Variants in PRRC2B observed in about 807,000 individuals in gnomAD.
PRRC2B encodes proline rich coiled-coil 2B, also known as protein PRRC2B.
Under a neutral mutation model 242.3 loss-of-function variants are expected in PRRC2B, and 68 were observed. The ratio of observed to expected loss-of-function variants is 0.28; its 90% CI spans 0.23 to 0.34. The LOEUF is 0.34. PRRC2B is among the 10% of genes least tolerant of loss of function. The pLI is 1.00. For synonymous variants in PRRC2B, 1,228 were observed against 1,173.6 expected (o/e 1.05, Z -0.95); for missense variants, 2,835 against 2,954.8 (o/e 0.96, Z 0.94).
At chr9:131,431,060 C>T (rs1473223332) in intron 2 of PRRC2B, among the ~76,000 whole-genome samples, 2 of 151,828 alleles carry the variant, frequency 1.3e-5, no homozygotes, top group African/African-American at 2.4e-5. Flanking sequence ...AAGTGATTCT[C>T]CTGCCTCAGC....
At chr9:131,429,654 T>C (rs1177345008) in intron 1 of PRRC2B, among the ~76,000 whole-genome samples, 1 of 152,230 alleles carries the variant, frequency 6.6e-6, no homozygotes, top group Non-Finnish European at 1.5e-5. Flanking sequence ...GTGGTGTAAG[T>C]GGGTTGTGTA....
intron 11 of PRRC2B, among the ~76,000 whole-genome samples, chr9:131,463,799 T>C (rs1031246309): frequency 6.6e-6 from 1 of 151,746 alleles, no homozygotes; most frequent in Non-Finnish European, 1.5e-5. Flanking sequence ...TCGTATTTTT[T>C]TGGGGGGCTG....
chr9:131,482,969 G>T lies in PRRC2B; in HGVS notation c.5373+62G>T, dbSNP rs766321602. The T allele has an allele frequency of 6.5e-7, 1 of 1,534,420 alleles. No individual in the cohort carries two copies. The highest frequency in any genetic ancestry group is 8.8e-7 in the Non-Finnish European group (1 of 1,132,510). On this transcript the variant is annotated intron_variant, in intron 22 of 31. Coordinates refer to ENST00000683519, the MANE Select transcript of PRRC2B (RefSeq NM_013318.4). This position sits in a 1 kb window ranked among gnomAD's most constrained non-coding sequence, Gnocchi z 5.2. ...ACTTTTTATTTTGGTACTTGGAGAG[G>T]CTGGGGGCTCAGATGGGATTGTCTC...
intron 1 of PRRC2B, among the ~76,000 whole-genome samples, chr9:131,426,742 T>G (rs566366040): frequency 6.6e-6 from 1 of 152,062 alleles, no homozygotes; most frequent in Non-Finnish European, 1.5e-5. Flanking sequence ...GGGCAGTGAG[T>G]GCTTGGAAGC....
In PRRC2B at chr9:131,482,653, C is replaced by A; in HGVS notation, c.5176-57C>A. On this transcript the variant is annotated intron_variant, in intron 21 of 31. Transcript: ENST00000683519. The surrounding 1 kb of genome is among the most constrained non-coding windows in gnomAD (Gnocchi z 5.2). Reference sequence around the variant, plus strand: ...TCCTCAATTCCTGGGACAGTAGAAGCTAGAGAGTGTGGTCATTCCAGTCTG... The same window carrying A: ...TCCTCAATTCCTGGGACAGTAGAAGATAGAGAGTGTGGTCATTCCAGTCTG... The A allele has an allele frequency of 6.6e-7, 1 of 1,519,050 alleles. No individual in the cohort carries two copies. The highest frequency in any genetic ancestry group is 8.9e-7 in the Non-Finnish European group (1 of 1,129,936). 94.1% of individuals were successfully genotyped at this position (1,519,050 alleles called of 1,614,324 possible).
intron 1 of PRRC2B, among the ~76,000 whole-genome samples, chr9:131,413,734 C>T (rs1837566466): frequency 1.3e-5 from 2 of 152,140 alleles, no homozygotes; most frequent in South Asian, 2.1e-4. Flanking sequence ...TGCAGCGGTG[C>T]GATCTTGGCT....
chr9:131,379,424 C>T (rs1400807164), intron 1 of PRRC2B, among the ~76,000 whole-genome samples: 3 of 152,128 alleles, frequency 2.0e-5, no homozygotes, highest in Non-Finnish European at 4.4e-5. Context: ...TATGAATGTT[C>T]CAGTATCTCT....
chr9:131,476,758 C>A (rs1029997828), intron 16 of PRRC2B, among the ~76,000 whole-genome samples: 3 of 141,976 alleles, frequency 2.1e-5, no homozygotes, highest in Non-Finnish European at 3.1e-5. Context: ...CAGTGGTGCT[C>A]TTGAGGCCAC....
chr9:131,479,195 A>C, intron 18 of PRRC2B, 57 bp from the exon 19 acceptor site: 6 of 1,571,768 alleles, frequency 3.8e-6, no homozygotes, highest in Non-Finnish European at 5.2e-6. Flanking sequence ...TATCCTGGGG[A>C]GAATTTGTCA....
In PRRC2B at chr9:131,483,362, T is replaced by C. The variant is rs753626500; in HGVS notation, c.5377T>C (p.Ser1793Pro). The change falls in exon 23 of 32, where the codon TCC becomes CCC. Residue 1793 changes from serine (S) to proline (P), a missense_variant. Transcript: ENST00000683519. ...GTGGCCTTTTTTATTTTTTCAGGAC[T>C]CCGATTTCAGCTTGCCACCTGGTTC... ...PIEFGVSPKD[S>P]DFSLPPGSAS... The C allele has an allele frequency of 1.2e-6, 2 of 1,613,952 alleles. No homozygotes were observed. The highest frequency in any genetic ancestry group is 2.2e-5 in the South Asian group (2 of 91,086).
At chr9:131,488,393 A>AGCTGGGACTACAAGTGTGTGCC (rs1277422666) in intron 28 of PRRC2B, among the ~76,000 whole-genome samples, 1 of 151,936 alleles carries the variant, frequency 6.6e-6, no homozygotes, top group East Asian at 1.9e-4. Flanking sequence ...CCTCCTGAGT[A>AGCTGGGACTACAAGTGTGTGCC]GCTGGGACTA....
At position 131,420,479 on chromosome 9, in the gene PRRC2B, T is replaced by TC. The variant is rs1837789387; in HGVS notation, c.-51-9615_-51-9614insC. On this transcript the variant is annotated intron_variant, in intron 1 of 31. Transcript: ENST00000683519. ...TTTCTTTCTTTCTTTCTTTCTTTCT[T>TC]TCTTTCTTTCTTTCTTTTTTTTTTT... Among the ~76,000 whole-genome samples the TC allele has an allele frequency of 2.7e-4, 6 of 22,580 alleles. 1 individual carries two copies. Among genetic ancestry groups the TC allele is most frequent in the African/African-American group, 7.6e-4 (6 of 7,908 alleles). The allele number at this position is 22,580 out of a possible 152,430, so 14.8% of individuals were successfully genotyped here. A position where few individuals can be genotyped will look rare whatever the true frequency, so the allele number is the denominator to read the frequency against.
At chr9:131,420,497 T>TGTCTGTCTGTCTGTCTGTCTGTC (rs72209206) in intron 1 of PRRC2B, among the ~76,000 whole-genome samples, 1 of 16,432 alleles carries the variant, frequency 6.1e-5, no homozygotes, top group Non-Finnish European at 1.5e-4. Flanking sequence ...TTCTTTCTTT[T>TGTCTGTCTGTCTGTCTGTCTGTC]TTTTTTTTTT....
intron 2 of PRRC2B, among the ~76,000 whole-genome samples, chr9:131,430,499 CTATAGATATCTATAGATAGATA>C (rs2131323041): frequency 1.7e-5 from 1 of 58,412 alleles, no homozygotes; most frequent in African/African-American, 4.8e-5. Flanking sequence ...GGAGATATAT[CTATAGATATCTATAGATAGATA>C]GATAGATATC....
chr9:131,426,726 A>T (rs986747418), intron 1 of PRRC2B, among the ~76,000 whole-genome samples: 20 of 152,170 alleles, frequency 1.3e-4, no homozygotes, highest in Non-Finnish European at 2.9e-4. Flanking sequence ...CTGGCAGGTA[A>T]CTTGGGGGCA....
In PRRC2B at chr9:131,473,622, C is replaced by T. The variant is rs780861552; in HGVS notation, c.2222C>T (p.Pro741Leu). Residue 741 changes from proline (P) to leucine (L), a missense_variant, in exon 15 of 32, where the codon CCC becomes CTC. Pro to Leu is a moderately conservative substitution (Grantham distance 98). This residue lies in a region of PRRC2B where 1,536 missense variants were observed against 1,483.1 expected (regional missense o/e 1.04). Transcript: ENST00000683519. ...QERKVTPIDS[P>L]PVWSPEGYMA... Reference sequence around the variant, plus strand: ...AGAAAAGTGACCCCCATCGACTCACCCCCTGTGTGGAGCCCAGAGGGCTAC... The same window carrying T: ...AGAAAAGTGACCCCCATCGACTCACTCCCTGTGTGGAGCCCAGAGGGCTAC... The T allele has an allele frequency of 1.9e-6, 3 of 1,613,696 alleles. No individual in the cohort carries two copies. Among genetic ancestry groups the T allele is most frequent in the Non-Finnish European group, 1.7e-6 (2 of 1,179,800 alleles).
chr9:131,391,416 C>G (rs767306466), upstream of PRRC2B, among the ~76,000 whole-genome samples: 6 of 152,064 alleles, frequency 3.9e-5, no homozygotes, highest in Non-Finnish European at 5.9e-5. Context: ...TTGTGAGGAC[C>G]CTTGTGATTC....
intron 1 of PRRC2B, among the ~76,000 whole-genome samples, chr9:131,399,334 T>C (rs1837159732): frequency 7.0e-6 from 1 of 141,990 alleles, no homozygotes; most frequent in Non-Finnish European, 1.5e-5. Context: ...AATCCCAGCA[T>C]TTTGGGAGGC....
intron 1 of PRRC2B, among the ~76,000 whole-genome samples, chr9:131,420,170 TC>T (rs1049458931): frequency 6.6e-6 from 1 of 152,144 alleles, no homozygotes. Context: ...GGCTCATGTC[TC>T]CCATAAGGAA....
Sources: allele counts gnomAD v4.1 joint callset (sites outside exome capture counted in the v4.1 genomes callset), GRCh38; gene constraint gnomAD v4.1.1; regional missense constraint gnomAD v4.1.1; non-coding constraint Gnocchi (gnomAD v3.1); transcripts MANE v1.5; gene names NCBI Gene and HGNC (gene_info 2026-07-23, HGNC 2026-07-21).